Variants in ZNF679 observed in about 807,000 individuals in gnomAD.
The protein encoded by ZNF679 is zinc finger protein 679, also known as hypothetical protein MGC42415.
A neutral mutation model predicts 13.4 loss-of-function variants in ZNF679; 10 were observed. The ratio of observed to expected loss-of-function variants is 0.75; its 90% CI spans 0.46 to 1.27. The LOEUF is 1.27. Ranked by LOEUF, ZNF679 falls within the 50% of genes most tolerant of loss-of-function variation. The pLI, the probability that ZNF679 is intolerant of heterozygous loss-of-function variation, is 0.00. For missense variants in ZNF679, 525 were observed against 477.8 expected (o/e 1.10, Z -0.92); for synonymous variants, 179 against 162.5 (o/e 1.10, Z -0.77).
At chr7:64,257,461 G>A (rs1432478765) in intron 2 of ZNF679, among the ~76,000 whole-genome samples, 12 of 152,000 alleles carry the variant, frequency 7.9e-5, no homozygotes, top group Admixed American at 7.2e-4. Context: ...GAGAAACATA[G>A]GAATAAATAA....
chr7:64,235,676 C>T (rs1301574897), intron 1 of ZNF679, among the ~76,000 whole-genome samples: 3 of 151,998 alleles, frequency 2.0e-5, no homozygotes, highest in Non-Finnish European at 2.9e-5. Context: ...GTAATTCCAG[C>T]TACTCAGGAG....
chr7:64,234,868 C>T (rs957661500), intron 1 of ZNF679, among the ~76,000 whole-genome samples: 2 of 152,046 alleles, frequency 1.3e-5, no homozygotes, highest in African/African-American at 2.4e-5. Context: ...GACAGAGTCT[C>T]GCTCTGTCAC....
At chr7:64,236,957 G>GAAAGAAAGAA (rs1787729436) in intron 1 of ZNF679, among the ~76,000 whole-genome samples, 1 of 74,290 alleles carries the variant, frequency 1.3e-5, no homozygotes, top group South Asian at 3.6e-4. Flanking sequence ...AAGAAAGAAA[G>GAAAGAAAGAA]AAAGAAAGAA....
At chr7:64,244,826 T>C (rs1246437512) in intron 1 of ZNF679, among the ~76,000 whole-genome samples, 1 of 152,244 alleles carries the variant, frequency 6.6e-6, no homozygotes, top group East Asian at 1.9e-4. Flanking sequence ...CAGCCAATTT[T>C]GAGCTTGCAA....
intron 4 of ZNF679, among the ~76,000 whole-genome samples, chr7:64,264,741 A>G (rs75028521): frequency 0.033 from 5,050 of 152,190 alleles, 181 homozygotes; most frequent in East Asian, 0.17. Context: ...TCAGAGGACT[A>G]TGCTTATAAA....
At position 64,260,833 on chromosome 7, in the gene ZNF679, G is replaced by C; in HGVS notation, c.167-1G>C. Reference sequence around the variant, plus strand: ...GTTACTTTTTTTTCTTAATAAAACAGGTATTGCTGTCTCTAAGCCAGACTT... The same window carrying C: ...GTTACTTTTTTTTCTTAATAAAACACGTATTGCTGTCTCTAAGCCAGACTT... On this transcript the variant is annotated splice_acceptor_variant, in intron 3 of 4. Transcript: ENST00000421025. LOFTEE classifies it high-confidence loss of function. 1 of 1,599,958 alleles carries C rather than the reference G, an allele frequency of 6.3e-7. No individual in the cohort carries two copies. The highest frequency in any genetic ancestry group is 8.5e-7 in the Non-Finnish European group (1 of 1,176,260).
intron 2 of ZNF679, 98 bp downstream of exon 2, chr7:64,249,254 C>G: frequency 6.2e-6 from 10 of 1,601,500 alleles, no homozygotes; most frequent in Non-Finnish European, 7.7e-6. Flanking sequence ...GCAGTCAGCT[C>G]CGGAGTCTGA....
chr7:64,244,427 G>A (rs1187722504), intron 1 of ZNF679, among the ~76,000 whole-genome samples: 1 of 151,750 alleles, frequency 6.6e-6, no homozygotes, highest in Non-Finnish European at 1.5e-5. Flanking sequence ...ATTTTTGTTT[G>A]TTTTGTGACG....
chr7:64,264,336 T>A (rs1351794604), intron 4 of ZNF679, among the ~76,000 whole-genome samples: 1 of 152,114 alleles, frequency 6.6e-6, no homozygotes, highest in Non-Finnish European at 1.5e-5. Context: ...GATAATTATA[T>A]CTTTTTATGT....
chr7:64,240,969 C>T (rs906946913), intron 1 of ZNF679, among the ~76,000 whole-genome samples: 3 of 152,068 alleles, frequency 2.0e-5, no homozygotes, highest in South Asian at 2.1e-4. Flanking sequence ...TCTCATCTGT[C>T]GATTGGATTA....
chr7:64,235,487 T>C (rs1247506254), intron 1 of ZNF679, among the ~76,000 whole-genome samples: 1 of 151,454 alleles, frequency 6.6e-6, no homozygotes, highest in African/African-American at 2.4e-5. Flanking sequence ...ATCCCAGCAT[T>C]AGCATAACAA....
chr7:64,258,251 T>C (rs897900830), intron 2 of ZNF679, among the ~76,000 whole-genome samples: 3 of 152,098 alleles, frequency 2.0e-5, no homozygotes, highest in Non-Finnish European at 4.4e-5. Context: ...CTGCCGTGGG[T>C]GTGTGTGGCG....
chr7:64,266,042 C>A lies in ZNF679; in HGVS notation c.409C>A (p.Gln137Lys), dbSNP rs758602962. Residue 137 changes from glutamine to lysine, a missense_variant, in exon 5 of 5, where the codon CAA becomes AAA. Physicochemically the swap from Gln to Lys is moderately conservative, Grantham distance 53 (BLOSUM62 1). Coordinates refer to ENST00000421025, the MANE Select transcript of ZNF679 (RefSeq NM_153363.3). ...TCKSMGECEV[Q>K]KGGCNEVNQC... Reference sequence around the variant, plus strand: ...TAAAAGCATGGGTGAGTGTGAGGTGCAAAAAGGAGGTTGTAATGAAGTTAA... The same window carrying A: ...TAAAAGCATGGGTGAGTGTGAGGTGAAAAAAGGAGGTTGTAATGAAGTTAA... The A allele has an allele frequency of 1.1e-5, 17 of 1,613,166 alleles. No individual in the cohort carries two copies. Among genetic ancestry groups the A allele is most frequent in the Non-Finnish European group, 1.4e-5 (17 of 1,179,618 alleles).
chr7:64,232,564 T>C (rs537209088), intron 1 of ZNF679, among the ~76,000 whole-genome samples: 233 of 152,282 alleles, frequency 1.5e-3, no homozygotes, highest in Admixed American at 5.2e-3. Flanking sequence ...TATGTCACAA[T>C]ACCCACTGTA....
intron 1 of ZNF679, among the ~76,000 whole-genome samples, chr7:64,239,378 G>A (rs1787765160): frequency 6.6e-6 from 1 of 152,164 alleles, no homozygotes; most frequent in Non-Finnish European, 1.5e-5. Context: ...CTCAGGAGTT[G>A]TTGACTCTTA....
At position 64,260,326 on chromosome 7, in the gene ZNF679, T is replaced by G; in HGVS notation, c.145T>G (p.Tyr49Asp). Residue 49 changes from tyrosine to aspartate, a missense_variant, in exon 3 of 5, where the codon TAC becomes GAC. Transcript: ENST00000421025. ...NLYRDVMLEN[Y>D]RNLVSLGIAV... ...ATATAGAGATGTGATGTTAGAGAAC[T>G]ACAGAAACCTGGTCTCCCTGGGTGA... The G allele has an allele frequency of 6.2e-7, 1 of 1,610,218 alleles. No individual in the cohort carries two copies. Among genetic ancestry groups the G allele is most frequent in the Non-Finnish European group, 8.5e-7 (1 of 1,178,964 alleles).
chr7:64,244,637 G>T (rs1312951802), intron 1 of ZNF679, among the ~76,000 whole-genome samples: 1 of 152,142 alleles, frequency 6.6e-6, no homozygotes, highest in Non-Finnish European at 1.5e-5. Context: ...ATTCAGGATG[G>T]TTCATGGAGG....
chr7:64,246,782 G>A (rs1031878002), intron 1 of ZNF679, among the ~76,000 whole-genome samples: 2 of 151,156 alleles, frequency 1.3e-5, no homozygotes, highest in South Asian at 4.2e-4. Flanking sequence ...AGGGAAGGAA[G>A]GAAGGAAGGG....
Position 64,247,967 on chromosome 7 carries a change from C to T in ZNF679, c.-90-1061C>T, listed in dbSNP as rs562476604. On this transcript the variant is annotated intron_variant, in intron 1 of 4. Coordinates refer to ENST00000421025, the MANE Select transcript of ZNF679 (RefSeq NM_153363.3). ...CCTTTTTGAAATCTCAGGCTGCCTG[C>T]ATGTATTAGTCCATTTTCACACTGC... Among the ~76,000 whole-genome samples, 11 of 152,172 alleles carry T rather than the reference C, an allele frequency of 7.2e-5. No homozygotes were observed. The East Asian group carries it at 1.5e-3, about 21-fold the overall frequency.
Sources: gnomAD v4.1 joint callset for allele counts (sites outside exome capture counted in the v4.1 genomes callset) on GRCh38, gnomAD v4.1.1 for gene constraint, MANE v1.5 for transcripts, NCBI Gene and HGNC (gene_info 2026-07-23, HGNC 2026-07-21) for gene names.